The following RUNX1 variants were observed in gnomAD, a reference collection of about 807,000 sequenced individuals.
The protein encoded by RUNX1 is runt-related transcription factor 1.
RUNX1 carries 19 observed loss-of-function variants against 42.8 expected under a neutral mutation model. That is an observed-to-expected ratio of 0.44 (90% confidence interval 0.31 to 0.65). The LOEUF is 0.65. Ranked by LOEUF, RUNX1 falls within the 30% of genes least tolerant of loss-of-function variation. The pLI is 0.07. For synonymous variants in RUNX1, 271 were observed against 289.4 expected (o/e 0.94, Z 0.64); for missense variants, 528 against 672.0 (o/e 0.79, Z 2.37).
At chr21:35,030,210 G>T (rs2059263624) in intron 2 of RUNX1, among the ~76,000 whole-genome samples, 1 of 152,190 alleles carries the variant, frequency 6.6e-6, no homozygotes, top group Admixed American at 6.5e-5. Context: ...GGGCATGGCG[G>T]TGTGCACCTG....
At chr21:34,965,821 C>T (rs1471902665) in intron 2 of RUNX1, among the ~76,000 whole-genome samples, 1 of 152,202 alleles carries the variant, frequency 6.6e-6, no homozygotes, top group Admixed American at 6.5e-5. Flanking sequence ...TGTGCCTTGC[C>T]ATTCTCTGAC....
intron 8 of RUNX1, chr21:34,797,906 T>C: frequency 2.4e-6 from 1 of 413,150 alleles, no homozygotes; most frequent in Admixed American, 2.6e-5. Flanking sequence ...AGGGGGATGC[T>C]ATTGGCATCT....
At chr21:35,020,794 C>T (rs1261107896) in intron 2 of RUNX1, among the ~76,000 whole-genome samples, 1 of 152,186 alleles carries the variant, frequency 6.6e-6, no homozygotes, top group African/African-American at 2.4e-5. Flanking sequence ...AAGTCTGTTG[C>T]TTGTTTAATG....
intron 2 of RUNX1, among the ~76,000 whole-genome samples, chr21:35,030,661 G>GGGCAAA (rs1439995821): frequency 6.6e-6 from 1 of 152,108 alleles, no homozygotes; most frequent in African/African-American, 2.4e-5. Flanking sequence ...CCATTGGTCT[G>GGGCAAA]GGCAAAGATT....
In RUNX1 at chr21:35,047,551, A is replaced by ACTCTCTCTCTCT. The variant is rs2059406909; in HGVS notation, c.58+1290_58+1291insAGAGAGAGAGAG. Reference sequence around the variant, plus strand: ...CACACACACACACACACACACACACACACACACACACTCTCTCTCTCTCTC... The same window carrying ACTCTCTCTCTCT: ...CACACACACACACACACACACACACACTCTCTCTCTCTCACACACACACTCTCTCTCTCTCTC... On this transcript the variant is annotated intron_variant, in intron 2 of 8. Coordinates refer to ENST00000675419, the MANE Select transcript of RUNX1 (RefSeq NM_001754.5). Among the ~76,000 whole-genome samples, 6 of 95,432 alleles carry ACTCTCTCTCTCT rather than the reference A, an allele frequency of 6.3e-5. No homozygotes were observed. In the East Asian group the frequency reaches 8.9e-4, roughly 14 times the overall value. 62.6% of individuals were successfully genotyped at this position (95,432 alleles called of 152,430 possible).
intron 7 of RUNX1, among the ~76,000 whole-genome samples, chr21:34,823,137 G>A (rs2056933053): frequency 6.6e-6 from 1 of 152,340 alleles, no homozygotes; most frequent in South Asian, 2.1e-4. Flanking sequence ...AGACTTAACC[G>A]TCCCAGACGG....
intron 7 of RUNX1, chr21:34,821,823 T>C: frequency 1.3e-6 from 1 of 765,964 alleles, no homozygotes; most frequent in Non-Finnish European, 2.0e-6. Context: ...CAGGAAGAGA[T>C]TCTGGAATAG....
chr21:35,013,420 C>A (rs143659350), intron 2 of RUNX1, among the ~76,000 whole-genome samples: 38 of 152,278 alleles, frequency 2.5e-4, no homozygotes, highest in African/African-American at 8.2e-4. Flanking sequence ...TTTCACAGCT[C>A]TGCAGACAGG....
At position 34,845,333 on chromosome 21, in the gene RUNX1, G is replaced by A. The variant is rs8130644; in HGVS notation, c.614-10732C>T. 5.7e-3 allele frequency among the ~76,000 whole-genome samples: 864 copies of A among 152,280 alleles called. 5 individuals carry two copies. Among genetic ancestry groups the A allele is most frequent in the African/African-American group, 0.02 (831 of 41,562 alleles). ...CCATCCTTGCCAGGGATGGAGACAGGGATGGAGGGCAAGGATGGACGCCCA... is the reference window on the plus strand; with the variant it reads ...CCATCCTTGCCAGGGATGGAGACAGAGATGGAGGGCAAGGATGGACGCCCA... On this transcript the variant is annotated intron_variant, in intron 6 of 8. Coordinates refer to ENST00000675419, the MANE Select transcript of RUNX1 (RefSeq NM_001754.5).
At chr21:34,834,645 G>T in intron 6 of RUNX1, 44 bp from the exon 7 acceptor site, 3 of 1,436,646 alleles carry the variant, frequency 2.1e-6, no homozygotes, top group South Asian at 1.1e-5. Flanking sequence ...GGGAGGGAAG[G>T]AGGGAGGGAA....
intron 7 of RUNX1, among the ~76,000 whole-genome samples, chr21:34,800,324 C>T (rs1035982474): frequency 3.9e-5 from 6 of 152,200 alleles, no homozygotes; most frequent in Non-Finnish European, 7.3e-5. Flanking sequence ...GGAAAACCAA[C>T]GCTATTCTTA....
intron 2 of RUNX1, among the ~76,000 whole-genome samples, chr21:34,982,603 T>G (rs559494785): frequency 1.1e-4 from 17 of 152,340 alleles, no homozygotes; most frequent in African/African-American, 4.1e-4. Flanking sequence ...GGAGTCTCAC[T>G]CTGTCACCCA....
At chr21:34,853,179 TGGTG>T (rs2057448439) in intron 6 of RUNX1, among the ~76,000 whole-genome samples, 3 of 152,156 alleles carry the variant, frequency 2.0e-5, no homozygotes, top group Non-Finnish European at 4.4e-5. Context: ...AAGTGGACCC[TGGTG>T]ACAGAAGCAG....
chr21:35,002,753 C>G (rs2059056211), intron 2 of RUNX1, among the ~76,000 whole-genome samples: 1 of 152,048 alleles, frequency 6.6e-6, no homozygotes, highest in Admixed American at 6.6e-5. Context: ...ATAATTTCCC[C>G]TTTAAATACA....
chr21:35,038,574 T>C (rs754208841), intron 2 of RUNX1: 5 of 102,466 alleles, frequency 4.9e-5, no homozygotes, highest in South Asian at 1.2e-4. Flanking sequence ...AATGCTGGCC[T>C]CTCTCTCTCT....
intron 2 of RUNX1, among the ~76,000 whole-genome samples, chr21:34,969,556 C>T (rs1014546315): frequency 1.3e-5 from 2 of 152,098 alleles, no homozygotes; most frequent in Non-Finnish European, 1.5e-5. Flanking sequence ...AAGTTTAAGA[C>T]AGTAGATCAA....
intron 2 of RUNX1, among the ~76,000 whole-genome samples, chr21:34,984,358 T>A (rs1213651422): frequency 6.6e-6 from 1 of 152,102 alleles, no homozygotes; most frequent in Admixed American, 6.5e-5. Context: ...GCAAATCAGT[T>A]AGCAAAGTGG....
At chr21:34,898,755 G>A (rs764928120) in intron 2 of RUNX1, among the ~76,000 whole-genome samples, 1 of 152,098 alleles carries the variant, frequency 6.6e-6, no homozygotes, top group Admixed American at 6.5e-5. Flanking sequence ...AAGTGAATGC[G>A]TACCTGAGCC....
chr21:34,862,101 T>A (rs1489185070), intron 5 of RUNX1, among the ~76,000 whole-genome samples: 1 of 150,050 alleles, frequency 6.7e-6, no homozygotes, highest in Non-Finnish European at 1.5e-5. Flanking sequence ...GGTCTAGGGG[T>A]GCATGTGGGT....
Sources: gnomAD v4.1 joint callset for allele counts (sites outside exome capture counted in the v4.1 genomes callset) on GRCh38, gnomAD v4.1.1 for gene constraint, MANE v1.5 for transcripts, NCBI Gene and HGNC (gene_info 2026-07-23, HGNC 2026-07-21) for gene names.